The following NDC1 variants were observed in gnomAD, a reference collection of about 807,000 sequenced individuals.
NDC1 encodes the protein nucleoporin NDC1.
Under a neutral mutation model 89.8 loss-of-function variants are expected in NDC1, and 24 were observed. That is an observed-to-expected ratio of 0.27 (90% confidence interval 0.19 to 0.38). NDC1 has a LOEUF of 0.38. NDC1 is among the 10% of genes least tolerant of loss of function. The probability of loss-of-function intolerance (pLI) is 1.00; values close to 1 mark genes in which losing one functional copy is unlikely to be tolerated. For missense variants in NDC1, 728 were observed against 797.6 expected (o/e 0.91, Z 1.05); for synonymous variants, 296 against 284.8 (o/e 1.04, Z -0.39).
intron 17 of NDC1, 62 bp from the exon 18 acceptor site, chr1:53,768,095 A>C (rs1442938591): frequency 5.1e-6 from 5 of 978,958 alleles, no homozygotes; most frequent in Non-Finnish European, 7.6e-6. Flanking sequence ...TAAGTGAACC[A>C]CAGAGCACAG....
intron 11 of NDC1, 98 bp from the exon 12 acceptor site, chr1:53,797,242 G>T: frequency 1.7e-6 from 2 of 1,159,750 alleles, no homozygotes; most frequent in Non-Finnish European, 2.5e-6. Flanking sequence ...TTTGTTTAAC[G>T]CATTTACCCA....
chr1:53,818,023 T>C (rs1301289672), intron 6 of NDC1, among the ~76,000 whole-genome samples: 1 of 152,116 alleles, frequency 6.6e-6, no homozygotes, highest in Non-Finnish European at 1.5e-5. Flanking sequence ...AAGTTACAAA[T>C]TATAAAAAGG....
At chr1:53,779,241 T>G (rs1041767485) in intron 16 of NDC1, among the ~76,000 whole-genome samples, 9 of 151,548 alleles carry the variant, frequency 5.9e-5, no homozygotes, top group African/African-American at 2.2e-4. Context: ...CTTACAGAGA[T>G]AATCTCATTT....
At chr1:53,807,556 G>A (rs757320894) in intron 8 of NDC1, 100 bp downstream of exon 8, 52 of 942,248 alleles carry the variant, frequency 5.5e-5, no homozygotes, top group Non-Finnish European at 7.4e-5. Context: ...ACCAGCTTAC[G>A]GAAATGGTTT....
rs749290959 is a variant in NDC1, at chr1:53,809,766, A to C, written c.704-20T>G. On this transcript the variant is annotated intron_variant, in intron 6 of 17. Coordinates refer to ENST00000371429, the MANE Select transcript of NDC1 (RefSeq NM_018087.5). ...TATAGCCTGAAGGGAAAAAATACCA[A>C]GCTATGAACATAAAAAGTTATAAAA... 3 of 1,603,780 alleles carry C rather than the reference A, an allele frequency of 1.9e-6. No individual in the cohort carries two copies. Among genetic ancestry groups the C allele is most frequent in the Non-Finnish European group, 2.6e-6 (3 of 1,171,072 alleles).
chr1:53,769,802 T>C (rs1260821585), intron 17 of NDC1, among the ~76,000 whole-genome samples: 3 of 152,338 alleles, frequency 2.0e-5, no homozygotes, highest in Middle Eastern at 3.4e-3. Context: ...TTCCCTTTCA[T>C]GGGGACAAAA....
At chr1:53,807,074 G>A (rs541632718) in intron 8 of NDC1, among the ~76,000 whole-genome samples, 1 of 151,682 alleles carries the variant, frequency 6.6e-6, no homozygotes, top group African/African-American at 2.4e-5. Context: ...GTGAAACCCT[G>A]TCTCTACTAA....
rs557684496 is a variant in NDC1, at chr1:53,817,402, T to C, written c.703+1569A>G. Among the ~76,000 whole-genome samples, 18 of 152,280 alleles carry C rather than the reference T, an allele frequency of 1.2e-4. No homozygotes were observed. The South Asian group carries it at 3.7e-3, about 32-fold the overall frequency. On this transcript the variant is annotated intron_variant, in intron 6 of 17. Transcript: ENST00000371429. Reference sequence around the variant, plus strand: ...AACTCAGGAATGGAAAATCAAACATTGTATGTTCTCACTGATACGTGGGAG... The same window carrying C: ...AACTCAGGAATGGAAAATCAAACATCGTATGTTCTCACTGATACGTGGGAG...
In NDC1 at chr1:53,797,000, A is replaced by G; in HGVS notation, c.1367T>C (p.Met456Thr). The change falls in exon 12 of 18, where the codon ATG becomes ACG. Residue 456 changes from methionine (M) to threonine (T), a missense_variant. By Grantham distance (81) the Met-to-Thr change is moderately conservative. Coordinates refer to ENST00000371429, the MANE Select transcript of NDC1 (RefSeq NM_018087.5). Reference sequence around the variant, plus strand: ...ATCAAAAATTCCAGCCATCCGATTCATTACACTAGAGCCAAATGGGGTCCC... The same window carrying G: ...ATCAAAAATTCCAGCCATCCGATTCGTTACACTAGAGCCAAATGGGGTCCC... ...PFGTPFGSSV[M>T]NRMAGIFDVN... The G allele has an allele frequency of 6.2e-7, 1 of 1,614,160 alleles. No homozygotes were observed. Among genetic ancestry groups the G allele is most frequent in the Non-Finnish European group, 8.5e-7 (1 of 1,180,024 alleles).
chr1:53,818,774 G>A (rs1043425795), intron 6 of NDC1, among the ~76,000 whole-genome samples, 197 bp downstream of exon 6: 2 of 152,050 alleles, frequency 1.3e-5, no homozygotes, highest in East Asian at 1.9e-4. Context: ...ATAATATTTC[G>A]TTATAGGCAT....
chr1:53,767,897 A>G lies in NDC1; in HGVS notation c.*73T>C. The G allele has an allele frequency of 1.0e-6, 1 of 952,680 alleles. No individual in the cohort carries two copies. Among genetic ancestry groups the G allele is most frequent in the Non-Finnish European group, 1.6e-6 (1 of 630,752 alleles). 59.0% of individuals were successfully genotyped at this position (952,680 alleles called of 1,614,324 possible). A position where few individuals can be genotyped will look rare whatever the true frequency, so the allele number is the denominator to read the frequency against. On this transcript the variant is annotated 3_prime_UTR_variant, in exon 18 of 18. Coordinates refer to ENST00000371429, the MANE Select transcript of NDC1 (RefSeq NM_018087.5). ...TAATTAGTCCGTTTTCTTCTGATCC[A>G]AGAATGCTGAACATTTACTGTCCCA...
At chr1:53,768,553 T>C (rs562122869) in intron 17 of NDC1, among the ~76,000 whole-genome samples, 9 of 152,308 alleles carry the variant, frequency 5.9e-5, no homozygotes, top group African/African-American at 2.2e-4. Context: ...GAACACTGTG[T>C]TCTCTCTCCA....
At chr1:53,819,945 AAAAAAAAAAG>A (rs1648608808) in intron 5 of NDC1, among the ~76,000 whole-genome samples, 1 of 115,732 alleles carries the variant, frequency 8.6e-6, no homozygotes, top group Non-Finnish European at 2.1e-5. Context: ...TGATGAGCTT[AAAAAAAAAAG>A]AAAAGAAAAG....
intron 17 of NDC1, among the ~76,000 whole-genome samples, chr1:53,770,301 G>GTATT (rs201110085): frequency 4.0e-4 from 61 of 151,918 alleles, no homozygotes; most frequent in East Asian, 7.7e-4. Flanking sequence ...ATTTATTTAT[G>GTATT]TATTTATTTA....
chr1:53,831,259 C>G (rs1402966215), intron 3 of NDC1, among the ~76,000 whole-genome samples: 1 of 151,830 alleles, frequency 6.6e-6, no homozygotes, highest in Non-Finnish European at 1.5e-5. Flanking sequence ...AATAAATAAA[C>G]AGAATATTCA....
intron 6 of NDC1, 109 bp downstream of exon 6, chr1:53,818,862 C>T (rs1015408759): frequency 5.2e-6 from 3 of 578,878 alleles, no homozygotes; most frequent in Non-Finnish European, 9.2e-6. Context: ...TTGAGCTAAT[C>T]ACATACCTAT....
At chr1:53,780,796 A>G (rs1218526944) in intron 16 of NDC1, among the ~76,000 whole-genome samples, 2 of 152,158 alleles carry the variant, frequency 1.3e-5, no homozygotes, top group Non-Finnish European at 2.9e-5. Flanking sequence ...AGAACCACAC[A>G]CTAAAAATTA....
At chr1:53,830,408 C>T (rs1181839706) in intron 3 of NDC1, among the ~76,000 whole-genome samples, 3 of 151,720 alleles carry the variant, frequency 2.0e-5, no homozygotes, top group East Asian at 1.9e-4. Flanking sequence ...GAGCCGAGAT[C>T]GTGCCACTGC....
intron 16 of NDC1, among the ~76,000 whole-genome samples, chr1:53,784,250 C>G (rs1247612444): frequency 6.6e-6 from 1 of 151,776 alleles, no homozygotes; most frequent in Non-Finnish European, 1.5e-5. Context: ...CACACACACA[C>G]GCACACACTA....
Sources: allele counts gnomAD v4.1 joint callset (sites outside exome capture counted in the v4.1 genomes callset), GRCh38; gene constraint gnomAD v4.1.1; transcripts MANE v1.5; gene names NCBI Gene and HGNC (gene_info 2026-07-23, HGNC 2026-07-21).